Variants in MYO18B observed in about 807,000 individuals in gnomAD.
The protein encoded by MYO18B is myosin XVIIIB, also known as unconventional myosin-XVIIIb.
Under a neutral mutation model 273.0 loss-of-function variants are expected in MYO18B, and 204 were observed. The observed-to-expected ratio is 0.75, with a 90% CI of 0.67 to 0.84. The LOEUF (loss-of-function observed/expected upper bound fraction) is 0.84. Ranked by LOEUF, MYO18B falls within the 40% of genes least tolerant of loss-of-function variation. The pLI is 0.00. For missense variants in MYO18B, 3,212 were observed against 3,287.6 expected (o/e 0.98, Z 0.56); for synonymous variants, 1,330 against 1,305.7 (o/e 1.02, Z -0.40).
chr22:25,772,993 C>G (rs530923554), intron 7 of MYO18B, among the ~76,000 whole-genome samples: 2 of 152,318 alleles, frequency 1.3e-5, no homozygotes, highest in South Asian at 4.1e-4. Context: ...CCATGCTGAA[C>G]TCTCAGGAGT....
intron 39 of MYO18B, among the ~76,000 whole-genome samples, chr22:25,961,593 C>T (rs1283418042): frequency 6.6e-6 from 1 of 152,190 alleles, no homozygotes. Flanking sequence ...GATGAAGCAA[C>T]TCCTCTGTGG....
chr22:25,805,089 T>C (rs1191619054), intron 12 of MYO18B, among the ~76,000 whole-genome samples: 1 of 152,138 alleles, frequency 6.6e-6, no homozygotes, highest in Non-Finnish European at 1.5e-5. Flanking sequence ...GTTCTGAGCG[T>C]GCCCTCCCTG....
rs1670251749 is a variant in MYO18B at position 25,883,854 on chromosome 22, C to T, written c.4314+5806C>T. On this transcript the variant is annotated intron_variant, in intron 25 of 43. Coordinates refer to ENST00000335473, the MANE Select transcript of MYO18B (RefSeq NM_032608.7). The surrounding 1 kb of genome is among the most constrained non-coding windows in gnomAD (Gnocchi z 7.6). ...AAGGAGCAGAAGAGGAGATGAGGAG[C>T]CTCTAAGAATCTGGCTATAAATACT... 6.6e-6 allele frequency among the ~76,000 whole-genome samples: 1 copy of T among 152,158 alleles called. No homozygotes were observed. Among genetic ancestry groups the T allele is most frequent in the African/African-American group, 2.4e-5 (1 of 41,444 alleles).
intron 12 of MYO18B, among the ~76,000 whole-genome samples, chr22:25,801,777 G>T (rs1232747322): frequency 6.6e-6 from 1 of 152,172 alleles, no homozygotes; most frequent in Non-Finnish European, 1.5e-5. Flanking sequence ...CCTGGGAGGG[G>T]TGAGGACTGT....
intron 35 of MYO18B, 25 bp downstream of exon 35, chr22:25,946,275 A>G: frequency 6.6e-7 from 1 of 1,523,144 alleles, no homozygotes; most frequent in Middle Eastern, 1.7e-4. Flanking sequence ...CTGCAGCTGC[A>G]GGGACCTGGG....
At chr22:25,819,835 G>T (rs955997479) in intron 12 of MYO18B, among the ~76,000 whole-genome samples, 4 of 151,688 alleles carry the variant, frequency 2.6e-5, no homozygotes, top group African/African-American at 9.7e-5. Flanking sequence ...CTCTCAATTA[G>T]ATTTTTAATC....
chr22:25,772,374 C>T lies in MYO18B; in HGVS notation c.1733C>T (p.Ser578Phe). ...CTGGACCAGGTCGAGGACCTGGCCT[C>T]TCTCATCAGTGTCAACGAATCCAGT... is the stretch of plus-strand genomic sequence containing the variant. ...PELDQVEDLA[S>F]LISVNESSVL... is the part of the protein sequence containing the mutation. Residue 578 changes from serine to phenylalanine, a missense_variant, in exon 7 of 44, where the codon TCT (serine) becomes TTT (phenylalanine). Coordinates refer to ENST00000335473, the MANE Select transcript of MYO18B (RefSeq NM_032608.7). The T allele has an allele frequency of 6.2e-7, 1 of 1,613,984 alleles. No homozygotes were observed. The highest frequency in any genetic ancestry group is 8.5e-7 in the Non-Finnish European group (1 of 1,179,874).
intron 39 of MYO18B, among the ~76,000 whole-genome samples, chr22:25,961,982 T>TA (rs1448039999): frequency 6.6e-6 from 1 of 152,162 alleles, no homozygotes. Flanking sequence ...CCCCTTCCCT[T>TA]TGTGTCATGA....
intron 32 of MYO18B, 140 bp downstream of exon 32, chr22:25,908,572 C>T (rs908912481): frequency 5.8e-6 from 4 of 683,968 alleles, no homozygotes; most frequent in African/African-American, 1.8e-5. Context: ...ACCTTAGCTT[C>T]GAAGTGACTT....
chr22:25,859,592 C>T (rs2090671264), intron 21 of MYO18B, among the ~76,000 whole-genome samples: 1 of 151,864 alleles, frequency 6.6e-6, no homozygotes, highest in African/African-American at 2.4e-5. Context: ...AGCGGCATCT[C>T]ATTGTGGTTT....
At chr22:25,819,851 A>G (rs2089197778) in intron 12 of MYO18B, among the ~76,000 whole-genome samples, 1 of 151,652 alleles carries the variant, frequency 6.6e-6, no homozygotes, top group African/African-American at 2.4e-5. Context: ...TAATCTATAA[A>G]ATGGGATTAA....
At chr22:25,910,466 G>C (rs2092133966) in intron 32 of MYO18B, among the ~76,000 whole-genome samples, 1 of 152,090 alleles carries the variant, frequency 6.6e-6, no homozygotes, top group East Asian at 1.9e-4. Flanking sequence ...GAGGGTTAGG[G>C]TTTCACCATA....
At chr22:25,948,527 T>TCTTCCTTC (rs562796748) in intron 36 of MYO18B, among the ~76,000 whole-genome samples, 3,572 of 110,474 alleles carry the variant, frequency 0.032, 251 homozygotes, top group African/African-American at 0.11. Flanking sequence ...CTTCTTTCTT[T>TCTTCCTTC]CTTCCTTCCT....
chr22:25,825,022 T>C (rs1220512661), intron 13 of MYO18B, among the ~76,000 whole-genome samples: 1 of 151,876 alleles, frequency 6.6e-6, no homozygotes, highest in African/African-American at 2.4e-5. Context: ...CACAGATATA[T>C]ATATAACACA....
intron 23 of MYO18B, among the ~76,000 whole-genome samples, chr22:25,875,817 A>G (rs998975676): frequency 6.6e-6 from 1 of 152,044 alleles, no homozygotes; most frequent in Non-Finnish European, 1.5e-5. Context: ...AGTTTTAGAG[A>G]TTTTTCAGTG....
chr22:25,954,174 C>G (rs1287001157), intron 38 of MYO18B, among the ~76,000 whole-genome samples: 1 of 152,064 alleles, frequency 6.6e-6, no homozygotes, highest in Non-Finnish European at 1.5e-5. Flanking sequence ...GCAGAACAGT[C>G]TTTGGGTTTG....
intron 1 of MYO18B, among the ~76,000 whole-genome samples, chr22:25,755,985 C>T (rs1051688491): frequency 1.8e-4 from 27 of 152,074 alleles, no homozygotes; most frequent in African/African-American, 6.3e-4. Context: ...GCAAGCTCTG[C>T]CTCCTGGGTT....
At chr22:26,026,304 T>C (rs1936235293) in intron 42 of MYO18B, 141 bp from the exon 43 acceptor site, 4 of 975,602 alleles carry the variant, frequency 4.1e-6, no homozygotes, top group Non-Finnish European at 4.5e-6. Flanking sequence ...TTAAATCATA[T>C]GGTTCATTTG....
At position 25,950,005 on chromosome 22, in the gene MYO18B, G is replaced by A. The variant is rs889646120; in HGVS notation, c.5749-362G>A. Among the ~76,000 whole-genome samples the A allele has an allele frequency of 5.3e-5, 8 of 152,320 alleles. No homozygotes were observed. In the South Asian group the frequency reaches 6.2e-4, roughly 12 times the overall value. On this transcript the variant is annotated intron_variant, in intron 36 of 43. Transcript: ENST00000335473. ...GCAGAGAGGCTCCACAGCTTGCTAA[G>A]GCCAGGGTCCAGGTCTAGAAGCTCA...
Sources: gnomAD v4.1 joint callset for allele counts (sites outside exome capture counted in the v4.1 genomes callset) on GRCh38, gnomAD v4.1.1 for gene constraint, Gnocchi (gnomAD v3.1) non-coding constraint, MANE v1.5 for transcripts, NCBI Gene and HGNC (gene_info 2026-07-23, HGNC 2026-07-21) for gene names.